Variants in SMG6 observed in about 807,000 individuals in gnomAD.
The protein encoded by SMG6 is telomerase-binding protein EST1A.
Under a neutral mutation model 142.2 loss-of-function variants are expected in SMG6, and 66 were observed. That is an observed-to-expected ratio of 0.46 (90% CI 0.38 to 0.57). The LOEUF (loss-of-function observed/expected upper bound fraction) is 0.57. Among genes scored for constraint, SMG6 ranks in the 20% least tolerant of loss-of-function variants. The pLI is 0.00. For missense variants in SMG6, 1,793 were observed against 1,832.0 expected (o/e 0.98, Z 0.39); for synonymous variants, 779 against 702.4 (o/e 1.11, Z -1.72).
intron 6 of SMG6, among the ~76,000 whole-genome samples, chr17:2,288,896 A>G (rs983811184): frequency 8.9e-4 from 135 of 151,652 alleles, no homozygotes; most frequent in African/African-American, 3.2e-3. Context: ...TGGCTAACAC[A>G]GTGAAACCCC....
At chr17:2,217,866 C>T (rs868699840) in intron 10 of SMG6, among the ~76,000 whole-genome samples, 6 of 151,818 alleles carry the variant, frequency 4.0e-5, no homozygotes, top group East Asian at 1.9e-4. Flanking sequence ...AAAAATCAGC[C>T]GGGTGTGGTG....
chr17:2,290,203 C>T (rs2075000799), intron 6 of SMG6, among the ~76,000 whole-genome samples: 1 of 152,076 alleles, frequency 6.6e-6, no homozygotes, highest in Non-Finnish European at 1.5e-5. Flanking sequence ...GGAAGACTGA[C>T]ACTACTGAAC....
chr17:2,227,166 C>T lies in SMG6; in HGVS notation c.2869+9326G>A, dbSNP rs984523838. Among the ~76,000 whole-genome samples, 5 of 152,212 alleles carry T rather than the reference C, an allele frequency of 3.3e-5. No individual in the cohort carries two copies. The East Asian group carries it at 9.6e-4, about 29-fold the overall frequency. On this transcript the variant is annotated intron_variant, in intron 10 of 18. Transcript: ENST00000263073. ...CCAACCACCACAGAAAACAGTTTAG[C>T]AGTTTCTTACAGAGTTAAAGATACA...
intron 13 of SMG6, among the ~76,000 whole-genome samples, chr17:2,113,552 T>C (rs2069405880): frequency 6.6e-6 from 1 of 152,208 alleles, no homozygotes; most frequent in African/African-American, 2.4e-5. Context: ...AATGGGTCTC[T>C]GGGTTATCAG....
intron 8 of SMG6, among the ~76,000 whole-genome samples, chr17:2,245,347 C>A (rs1287829686): frequency 6.6e-6 from 1 of 152,144 alleles, no homozygotes; most frequent in Non-Finnish European, 1.5e-5. Context: ...TTGGCCAAAT[C>A]CTCTATGTAG....
intron 12 of SMG6, among the ~76,000 whole-genome samples, chr17:2,175,575 C>A (rs2071632030): frequency 1.3e-5 from 2 of 148,354 alleles, no homozygotes; most frequent in South Asian, 4.3e-4. Context: ...ACTAGGGACC[C>A]CTGCCCACAT....
At chr17:2,224,556 G>A (rs1437071862) in intron 10 of SMG6, among the ~76,000 whole-genome samples, 1 of 152,132 alleles carries the variant, frequency 6.6e-6, no homozygotes, top group Non-Finnish European at 1.5e-5. Flanking sequence ...CTGGAATGTA[G>A]CACAAAAAGA....
intron 10 of SMG6, among the ~76,000 whole-genome samples, chr17:2,196,376 C>T (rs1410930189): frequency 1.3e-5 from 2 of 152,068 alleles, no homozygotes; most frequent in African/African-American, 2.4e-5. Flanking sequence ...TGCAGTGAGC[C>T]GAGAATGCGT....
At chr17:2,065,229 G>C (rs1411196646) in intron 17 of SMG6, 75 bp from the exon 18 acceptor site, 1 of 1,284,950 alleles carries the variant, frequency 7.8e-7, no homozygotes, top group Non-Finnish European at 1.1e-6. Context: ...GGGATCCTCT[G>C]CCTCGGGGGC....
intron 13 of SMG6, among the ~76,000 whole-genome samples, chr17:2,152,125 T>C (rs920084526): frequency 6.6e-6 from 1 of 152,206 alleles, no homozygotes; most frequent in Non-Finnish European, 1.5e-5. Flanking sequence ...TTTGGAGTGA[T>C]GGCAGGAAGT....
intron 10 of SMG6, among the ~76,000 whole-genome samples, chr17:2,198,619 T>C (rs186105084): frequency 7.6e-4 from 116 of 152,328 alleles, no homozygotes; most frequent in African/African-American, 2.1e-3. Flanking sequence ...AAGACCTCTC[T>C]GTACATTTTT....
At chr17:2,236,681 A>C (rs532941407) in intron 9 of SMG6, 44 bp from the exon 10 acceptor site, 1 of 1,535,794 alleles carries the variant, frequency 6.5e-7, no homozygotes, top group East Asian at 2.4e-5. Context: ...TCTCTCTTTC[A>C]GTCTCTCTCT....
chr17:2,301,587 A>T (rs1312730526), intron 1 of SMG6, among the ~76,000 whole-genome samples: 1 of 152,248 alleles, frequency 6.6e-6, no homozygotes, highest in Non-Finnish European at 1.5e-5. Flanking sequence ...TCACGCCTGT[A>T]ATCCCAGCAC....
intron 12 of SMG6, 198 bp from the exon 13 acceptor site, chr17:2,173,057 T>C: frequency 1.7e-6 from 1 of 600,978 alleles, no homozygotes; most frequent in South Asian, 2.0e-5. Context: ...TGTGGATTTA[T>C]GCAAAGTTGA....
intron 13 of SMG6, among the ~76,000 whole-genome samples, chr17:2,113,128 G>A (rs2069390818): frequency 6.6e-6 from 1 of 151,710 alleles, no homozygotes; most frequent in Non-Finnish European, 1.5e-5. Flanking sequence ...CATGATCAAG[G>A]CTTACTGCAG....
At chr17:2,136,511 C>T (rs557372131) in intron 13 of SMG6, among the ~76,000 whole-genome samples, 1 of 152,302 alleles carries the variant, frequency 6.6e-6, no homozygotes, top group Non-Finnish European at 1.5e-5. Flanking sequence ...CCTGACACTC[C>T]TTGGAAAGTC....
At chr17:2,173,845 C>CTT (rs35215989) in intron 12 of SMG6, among the ~76,000 whole-genome samples, 90 of 74,824 alleles carry the variant, frequency 1.2e-3, no homozygotes, top group South Asian at 3.0e-3. Context: ...ATCCATAAAG[C>CTT]TTTTTTTTTT....
intron 8 of SMG6, among the ~76,000 whole-genome samples, chr17:2,270,612 A>G (rs2074524060): frequency 6.6e-6 from 1 of 150,774 alleles, no homozygotes; most frequent in South Asian, 2.1e-4. Context: ...TGTCTCAAGG[A>G]AAAAAAAAAT....
At chr17:2,124,874 G>C (rs1363231695) in intron 13 of SMG6, among the ~76,000 whole-genome samples, 1 of 152,146 alleles carries the variant, frequency 6.6e-6, no homozygotes, top group Non-Finnish European at 1.5e-5. Flanking sequence ...TGACCCTCAA[G>C]GAAAATGCAA....
Sources: gnomAD v4.1 joint callset for allele counts (sites outside exome capture counted in the v4.1 genomes callset) on GRCh38, gnomAD v4.1.1 for gene constraint, MANE v1.5 for transcripts, NCBI Gene and HGNC (gene_info 2026-07-23, HGNC 2026-07-21) for gene names.